The following ZNF563 variants were observed in gnomAD, a reference collection of about 807,000 sequenced individuals.
The protein encoded by ZNF563 is zinc finger protein 563.
ZNF563 carries 39 observed loss-of-function variants against 48.5 expected under a neutral mutation model. That is an observed-to-expected ratio of 0.80 (90% confidence interval 0.62 to 1.05). The LOEUF (loss-of-function observed/expected upper bound fraction) is 1.05. Among genes scored for constraint, ZNF563 ranks in the 50% least tolerant of loss-of-function variants. The probability of loss-of-function intolerance (pLI) is 0.00; values close to 1 mark genes in which losing one functional copy is unlikely to be tolerated. For synonymous variants in ZNF563, 168 were observed against 187.9 expected (o/e 0.89, Z 0.87); for missense variants, 538 against 597.0 (o/e 0.90, Z 1.03).
chr19:12,328,734 A>T (rs1968854320), intron 1 of ZNF563, among the ~76,000 whole-genome samples: 1 of 152,146 alleles, frequency 6.6e-6, no homozygotes, highest in Non-Finnish European at 1.5e-5. Flanking sequence ...GTGCCACTGT[A>T]CTTAAGCCTG....
upstream of ZNF563, among the ~76,000 whole-genome samples, chr19:12,336,285 A>T (rs373940132): frequency 6.6e-6 from 1 of 151,758 alleles, no homozygotes; most frequent in South Asian, 2.1e-4. Context: ...ACACGGGGAG[A>T]TCTTGGTTCC....
the ZNF563 span, chr19:12,346,824 G>C: frequency 6.6e-6 from 1 of 152,170 alleles, no homozygotes; most frequent in African/African-American, 2.4e-5. Flanking sequence ...AACGTTCTAA[G>C]TGAAATAAGC....
the ZNF563 span, among the ~76,000 whole-genome samples, chr19:12,343,525 G>C: frequency 2.2e-4 from 34 of 152,120 alleles, no homozygotes; most frequent in African/African-American, 8.2e-4. Context: ...GTAGAGCAGA[G>C]ATAAATCAAA....
intron 1 of ZNF563, among the ~76,000 whole-genome samples, chr19:12,324,128 C>A (rs1245985966): frequency 6.6e-6 from 1 of 152,218 alleles, no homozygotes; most frequent in East Asian, 1.9e-4. Context: ...GAGGCCAGGG[C>A]AGATGGACCA....
the ZNF563 span, among the ~76,000 whole-genome samples, chr19:12,341,350 C>A: frequency 3.3e-5 from 5 of 152,288 alleles, no homozygotes; most frequent in Admixed American, 3.3e-4. Context: ...CTGTGCCCAG[C>A]CTTAAGGGCT....
At position 12,318,860 on chromosome 19, in the gene ZNF563, C is replaced by A; in HGVS notation, c.1165G>T (p.Gly389Ter). 1 of 1,614,152 alleles carries A rather than the reference C, an allele frequency of 6.2e-7. No individual in the cohort carries two copies. The highest frequency in any genetic ancestry group is 8.5e-7 in the Non-Finnish European group (1 of 1,180,022). Residue 389 changes from glycine to a stop codon, truncating the protein, a stop_gained, in exon 4 of 4, where the codon GGA becomes TGA. Coordinates refer to ENST00000293725, the MANE Select transcript of ZNF563 (RefSeq NM_145276.3). LOFTEE classifies it high-confidence loss of function. ...SFRRHMIMHT[G>*]GGPHKCKICG... is the part of the protein sequence containing the mutation. ...ATCTTGCATTTATGAGGTCCACCTC[C>A]AGTGTGCATTATCATGTGTCTTCGA...
chr19:12,334,909 A>G (rs1179389324), upstream of ZNF563, among the ~76,000 whole-genome samples: 2 of 150,294 alleles, frequency 1.3e-5, no homozygotes, highest in African/African-American at 4.9e-5. Context: ...ACTTTAAGGT[A>G]CTGACCTACA....
At chr19:12,340,571 C>A in the ZNF563 span, among the ~76,000 whole-genome samples, 3 of 152,082 alleles carry the variant, frequency 2.0e-5, no homozygotes, top group Admixed American at 6.6e-5. Context: ...GTCAGGAGTT[C>A]AAGACCATCC....
intron 1 of ZNF563, among the ~76,000 whole-genome samples, chr19:12,332,941 G>A (rs1437372272): frequency 6.6e-6 from 1 of 152,214 alleles, no homozygotes; most frequent in Non-Finnish European, 1.5e-5. Flanking sequence ...CTGTGACGGA[G>A]AGGAAGTCAG....
the ZNF563 span, among the ~76,000 whole-genome samples, chr19:12,339,137 C>A: frequency 6.6e-6 from 1 of 152,114 alleles, no homozygotes; most frequent in African/African-American, 2.4e-5. Context: ...AGTGTGCTTT[C>A]CACAGGACAC....
In ZNF563 at chr19:12,322,718, C is replaced by T; in HGVS notation, c.4-7G>A. ...CCTCAAAGGCCACTGCGTCCTGAAA[C>T]ATCCCACATAGATAGAGGAGAAAGG... On this transcript the variant is annotated splice_region_variant and splice_polypyrimidine_tract_variant and intron_variant, in intron 1 of 3. Coordinates refer to ENST00000293725, the MANE Select transcript of ZNF563 (RefSeq NM_145276.3). 6.3e-7 allele frequency: 1 copy of T among 1,595,726 alleles called. No individual in the cohort carries two copies. The highest frequency in any genetic ancestry group is 8.5e-7 in the Non-Finnish European group (1 of 1,170,516).
rs544592553 is a variant in ZNF563 at position 12,328,958 on chromosome 19, G to A, written c.3+4522C>T. On this transcript the variant is annotated intron_variant, in intron 1 of 3. Coordinates refer to ENST00000293725, the MANE Select transcript of ZNF563 (RefSeq NM_145276.3). Reference sequence around the variant, plus strand: ...GAAATGCAAATATTATGGTGCTGATGAAAAAGGATATATTTTAGCAAAATC... The same window carrying A: ...GAAATGCAAATATTATGGTGCTGATAAAAAAGGATATATTTTAGCAAAATC... 2.0e-5 allele frequency among the ~76,000 whole-genome samples: 3 copies of A among 152,174 alleles called. No individual in the cohort carries two copies. The South Asian group carries it at 6.2e-4, about 32-fold the overall frequency.
At chr19:12,339,112 C>G in the ZNF563 span, among the ~76,000 whole-genome samples, 1 of 151,974 alleles carries the variant, frequency 6.6e-6, no homozygotes, top group African/African-American at 2.4e-5. Flanking sequence ...CAGGACATCT[C>G]GTTGTGATGT....
chr19:12,340,143 A>G, the ZNF563 span, among the ~76,000 whole-genome samples: 20 of 152,222 alleles, frequency 1.3e-4, no homozygotes, highest in African/African-American at 4.8e-4. Context: ...CAGGTCAGCC[A>G]GGCCAACATG....
At chr19:12,329,292 T>C (rs1258533628) in intron 1 of ZNF563, among the ~76,000 whole-genome samples, 4 of 151,822 alleles carry the variant, frequency 2.6e-5, no homozygotes, top group Non-Finnish European at 1.5e-5. Context: ...GCCAACATGG[T>C]GAAACCCCGT....
Position 12,318,832 on chromosome 19 carries a change from C to A in ZNF563, c.1193G>T (p.Cys398Phe). ...TGGGPHKCKICGKAFVYPSVC... is the reference protein window; with the variant it reads ...TGGGPHKCKIFGKAFVYPSVC... ...ACTAGGATAAACAAAAGCTTTCCCA[C>A]ATATCTTGCATTTATGAGGTCCACC... Residue 398 changes from cysteine to phenylalanine, a missense_variant, in exon 4 of 4, where the codon TGT becomes TTT. By Grantham distance (205) the Cys-to-Phe change is radical. Coordinates refer to ENST00000293725, the MANE Select transcript of ZNF563 (RefSeq NM_145276.3). 1 of 1,614,132 alleles carries A rather than the reference C, an allele frequency of 6.2e-7. No individual in the cohort carries two copies. The highest frequency in any genetic ancestry group is 1.1e-5 in the South Asian group (1 of 91,060).
Position 12,319,490 on chromosome 19 carries a change from T to A in ZNF563, c.535A>T (p.Ser179Cys). The A allele has an allele frequency of 6.2e-7, 1 of 1,614,198 alleles. No homozygotes were observed. The change falls in exon 4 of 4, where the codon AGT becomes TGT. Residue 179 changes from serine (S) to cysteine (C), a missense_variant. Physicochemically the swap from Ser to Cys is moderately radical, Grantham distance 112. Transcript: ENST00000293725. Reference protein sequence around the residue: ...YECKECGKTFSSRRNLRRHMV... With the variant: ...YECKECGKTFCSRRNLRRHMV... ...TGTCTTCGAAGGTTTCTACGAGAAC[T>A]GAAGGTTTTTCCACATTCCTTACAC...
At chr19:12,337,943 T>C (rs1568481539), upstream of ZNF563, among the ~76,000 whole-genome samples, 1 of 151,822 alleles carries the variant, frequency 6.6e-6, no homozygotes, top group Non-Finnish European at 1.5e-5. Flanking sequence ...AATAAATAAA[T>C]AAATAAAAAT....
the ZNF563 span, among the ~76,000 whole-genome samples, chr19:12,340,956 A>G: frequency 6.6e-6 from 1 of 152,186 alleles, no homozygotes; most frequent in Admixed American, 6.5e-5. Context: ...CTGGGAAAAA[A>G]AAAAAGAAAA....
Sources: gnomAD v4.1 joint callset for allele counts (sites outside exome capture counted in the v4.1 genomes callset) on GRCh38, gnomAD v4.1.1 for gene constraint, MANE v1.5 for transcripts, NCBI Gene and HGNC (gene_info 2026-07-23, HGNC 2026-07-21) for gene names.